GRM8: variants seen among roughly 807,000 people sequenced by gnomAD.
The protein encoded by GRM8 is metabotropic glutamate receptor 8.
A neutral mutation model predicts 87.2 loss-of-function variants in GRM8; 47 were observed. The observed-to-expected ratio is 0.54, with a 90% CI of 0.43 to 0.69. The LOEUF (loss-of-function observed/expected upper bound fraction) is 0.69, where lower values mean the gene tolerates loss of function less well. Among genes scored for constraint, GRM8 ranks in the 30% least tolerant of loss-of-function variants. The probability of loss-of-function intolerance (pLI) is 0.00; values close to 1 mark genes in which losing one functional copy is unlikely to be tolerated. For synonymous variants in GRM8, 396 were observed against 404.5 expected, an observed-to-expected ratio of 0.98 and a Z score of 0.25; for missense variants, 1,019 against 1,139.2, an observed-to-expected ratio of 0.89 and a Z score of 1.52.
At chr7:127,183,071 T>C (rs1258513877) in intron 2 of GRM8, among the ~76,000 whole-genome samples, 1 of 151,706 alleles carries the variant, frequency 6.6e-6, no homozygotes. Flanking sequence ...AAATAAAAGC[T>C]CAAATATGTT....
intron 8 of GRM8, among the ~76,000 whole-genome samples, chr7:126,591,481 G>A (rs1264895014): frequency 6.6e-6 from 1 of 151,940 alleles, no homozygotes; most frequent in Non-Finnish European, 1.5e-5. Context: ...AAGACAGAAA[G>A]TCAACAAAGA....
Position 126,478,256 on chromosome 7 carries a change from T to A in GRM8, c.2431-31884A>T, listed in dbSNP as rs371509486. Among the ~76,000 whole-genome samples the A allele has an allele frequency of 1.2e-3, 182 of 152,290 alleles. 7 individuals are homozygous for A. The South Asian group carries it at 0.037, about 31-fold the overall frequency. ...TCTTGCCTAAATTAATTTTCTTTTC[T>A]TTGTTCTGAATGCCACATTTACTTT... is the stretch of plus-strand genomic sequence containing the variant. On this transcript the variant is annotated intron_variant, in intron 9 of 10. Transcript: ENST00000339582.
chr7:126,688,819 G>T (rs1173650728), intron 7 of GRM8, among the ~76,000 whole-genome samples: 4 of 151,738 alleles, frequency 2.6e-5, no homozygotes, highest in Non-Finnish European at 2.9e-5. Context: ...AAAAGTGGCT[G>T]GGAATGCTTT....
At chr7:126,996,612 G>T (rs1813200846) in intron 3 of GRM8, among the ~76,000 whole-genome samples, 1 of 151,884 alleles carries the variant, frequency 6.6e-6, no homozygotes, top group African/African-American at 2.4e-5. Context: ...AATATTTCAT[G>T]GCAATGTAAA....
intron 6 of GRM8, among the ~76,000 whole-genome samples, chr7:126,884,569 C>A (rs376755354): frequency 6.6e-6 from 1 of 152,042 alleles, no homozygotes; most frequent in African/African-American, 2.4e-5. Flanking sequence ...GTCAATTTAG[C>A]AAATAGAAAT....
intron 7 of GRM8, among the ~76,000 whole-genome samples, chr7:126,715,810 G>A (rs1390226387): frequency 6.6e-6 from 1 of 152,118 alleles, no homozygotes; most frequent in Non-Finnish European, 1.5e-5. Context: ...TGTAGGCTGA[G>A]GTAACCTTAC....
intron 3 of GRM8, among the ~76,000 whole-genome samples, chr7:126,949,635 T>C (rs538119172): frequency 1.1e-4 from 16 of 152,338 alleles, no homozygotes; most frequent in African/African-American, 3.6e-4. Flanking sequence ...TGAAATTTTA[T>C]CCACTCATTT....
rs1443545990 is a variant in GRM8 at position 126,769,885 on chromosome 7, A to G, written c.1337T>C (p.Ile446Thr). The G allele has an allele frequency of 1.9e-6, 3 of 1,611,082 alleles. No homozygotes were observed. The highest frequency in any genetic ancestry group is 2.2e-5 in the East Asian group (1 of 44,846). ...CTTACCATTAAAATTTACAGCCCGA[A>G]TATAACCAAGTAGCTCTTTCCCATC... ...TIDGKELLGY[I>T]RAVNFNGSAG... The change falls in exon 7 of 11, where the codon ATT (isoleucine) becomes ACT (threonine). Residue 446 changes from isoleucine (I) to threonine (T), a missense_variant. By Grantham distance (89) the Ile-to-Thr change is moderately conservative. Transcript: ENST00000339582.
intron 6 of GRM8, among the ~76,000 whole-genome samples, chr7:126,853,725 T>C (rs1797432375): frequency 6.6e-6 from 1 of 152,162 alleles, no homozygotes; most frequent in African/African-American, 2.4e-5. Context: ...GTGCTGGGCC[T>C]CAGGAATGGG....
intron 6 of GRM8, among the ~76,000 whole-genome samples, chr7:126,779,454 T>G (rs542269316): frequency 6.6e-6 from 1 of 152,256 alleles, no homozygotes; most frequent in South Asian, 2.1e-4. Context: ...TCTATCATAC[T>G]CTTTTGAAAA....
intron 7 of GRM8, among the ~76,000 whole-genome samples, chr7:126,728,840 C>T (rs1470886151): frequency 6.6e-6 from 1 of 152,126 alleles, no homozygotes; most frequent in Non-Finnish European, 1.5e-5. Flanking sequence ...GCCCTTATTC[C>T]CTGTTCTGCC....
At chr7:126,451,746 C>T (rs531175095) in intron 9 of GRM8, among the ~76,000 whole-genome samples, 11 of 151,842 alleles carry the variant, frequency 7.2e-5, no homozygotes, top group African/African-American at 2.4e-4. Context: ...ACCAGGCATG[C>T]TTCTACTTCC....
intron 6 of GRM8, among the ~76,000 whole-genome samples, chr7:126,773,474 A>G (rs1819072489): frequency 1.3e-5 from 2 of 152,158 alleles, no homozygotes; most frequent in Admixed American, 1.3e-4. Flanking sequence ...TATAGTTTCA[A>G]ACTTACTCTA....
At chr7:126,860,674 C>T (rs1398881553) in intron 6 of GRM8, among the ~76,000 whole-genome samples, 1 of 152,056 alleles carries the variant, frequency 6.6e-6, no homozygotes, top group African/African-American at 2.4e-5. Context: ...TTCTTTTAAA[C>T]AGCGGCAGAT....
chr7:126,614,365 A>G (rs569413299), intron 7 of GRM8, among the ~76,000 whole-genome samples: 1 of 152,258 alleles, frequency 6.6e-6, no homozygotes, highest in Non-Finnish European at 1.5e-5. Context: ...CCACACCAAA[A>G]CCACATCTGT....
At chr7:126,442,369 G>A (rs915926546) in intron 10 of GRM8, among the ~76,000 whole-genome samples, 32 of 151,840 alleles carry the variant, frequency 2.1e-4, no homozygotes, top group Middle Eastern at 3.4e-3. Flanking sequence ...TAATACTCTC[G>A]TATGCCTCTA....
At chr7:127,022,132 A>AAC (rs1424925028) in intron 3 of GRM8, among the ~76,000 whole-genome samples, 1 of 151,942 alleles carries the variant, frequency 6.6e-6, no homozygotes, top group East Asian at 1.9e-4. Flanking sequence ...TTATTAGAAT[A>AAC]ACACCACTTA....
chr7:126,521,428 C>T (rs1171095599), intron 9 of GRM8, among the ~76,000 whole-genome samples: 3 of 151,768 alleles, frequency 2.0e-5, no homozygotes, highest in Admixed American at 6.6e-5. Context: ...TCTAAAATCC[C>T]ACAAAAACCT....
intron 2 of GRM8, among the ~76,000 whole-genome samples, chr7:127,169,014 A>C (rs1326892669): frequency 3.4e-5 from 5 of 145,430 alleles, no homozygotes; most frequent in African/African-American, 1.3e-4. Flanking sequence ...AAAAAAAAAA[A>C]CCTCTAACTT....
Sources: allele counts gnomAD v4.1 joint callset (sites outside exome capture counted in the v4.1 genomes callset), GRCh38; gene constraint gnomAD v4.1.1; transcripts MANE v1.5; gene names NCBI Gene and HGNC (gene_info 2026-07-23, HGNC 2026-07-21).